SEC22C: variants seen among roughly 807,000 people sequenced by gnomAD.
SEC22C encodes vesicle-trafficking protein SEC22c.
Under a neutral mutation model 34.7 loss-of-function variants are expected in SEC22C, and 29 were observed. The observed-to-expected ratio is 0.84, with a 90% CI of 0.62 to 1.14. The LOEUF (loss-of-function observed/expected upper bound fraction) is 1.14, where lower values mean the gene tolerates loss of function less well. SEC22C is among the 50% of genes most tolerant of loss of function. SEC22C has a pLI of 0.00. For synonymous variants in SEC22C, 117 were observed against 132.8 expected, an observed-to-expected ratio of 0.88 and a Z score of 0.82; for missense variants, 337 against 369.0, an observed-to-expected ratio of 0.91 and a Z score of 0.71.
In SEC22C at chr3:42,565,924, G is replaced by C. The variant is rs866154688; in HGVS notation, c.183-2238C>G. ...GTCTATTTCCTCTGCGAAAATAATG[G>C]TAAATATTTAATTCAAAATTACAAA... On this transcript the variant is annotated intron_variant, in intron 2 of 6. Coordinates refer to ENST00000264454, the MANE Select transcript of SEC22C (RefSeq NM_032970.4). The C allele has an allele frequency of 1.1e-5, 5 of 454,296 alleles. No individual in the cohort carries two copies. The Middle Eastern group carries it at 1.6e-3, about 149-fold the overall frequency. The allele number at this position is 454,296 out of a possible 1,614,324, so 28.1% of individuals were successfully genotyped here. A position where few individuals can be genotyped will look rare whatever the true frequency, so the allele number is the denominator to read the frequency against.
Position 42,550,482 on chromosome 3 carries a change from T to C in SEC22C, c.*2766A>G. On this transcript the variant is annotated 3_prime_UTR_variant, in exon 7 of 7. Transcript: ENST00000264454. ...TTCCCTCGGATGAAATCACCAGAAC[T>C]TCTTTCCTATTTTCAGTCTCTTCCT... 1.0e-6 allele frequency: 1 copy of C among 985,464 alleles called. No individual in the cohort carries two copies. The highest frequency in any genetic ancestry group is 1.2e-6 in the Non-Finnish European group (1 of 829,938). 61.0% of individuals were successfully genotyped at this position (985,464 alleles called of 1,614,324 possible).
rs1553653057 is a variant in SEC22C at position 42,600,927 on chromosome 3, T to TGCCCTCGCCCCTGCCCTCGCCCCC, written c.-28+32_-28+33insGGGGGCGAGGGCAGGGGCGAGGGC. On this transcript the variant is annotated intron_variant, in intron 1 of 6. Transcript: ENST00000417572. ...TTCGTCTCAGCCCCGCCCTCGCCCC[T>TGCCCTCGCCCCTGCCCTCGCCCCC]GCCCTCGCCCCCGCCCTCGCCCCTG... 1.3e-5 allele frequency: 13 copies of TGCCCTCGCCCCTGCCCTCGCCCCC among 1,006,706 alleles called. No individual in the cohort carries two copies. In the East Asian group the frequency reaches 4.0e-4, roughly 31 times the overall value. The allele number at this position is 1,006,706 out of a possible 1,614,324, so 62.4% of individuals were successfully genotyped here. A position where few individuals can be genotyped will look rare whatever the true frequency, so the allele number is the denominator to read the frequency against.
At chr3:42,566,026 C>T in intron 2 of SEC22C, 1 of 388,866 alleles carries the variant, frequency 2.6e-6, no homozygotes, top group Admixed American at 3.4e-5. Flanking sequence ...TCTTAGACTT[C>T]TTTTTTCTGT....
intron 1 of SEC22C, among the ~76,000 whole-genome samples, chr3:42,596,158 A>C (rs1189542931): frequency 6.6e-6 from 1 of 151,818 alleles, no homozygotes; most frequent in Non-Finnish European, 1.5e-5. Context: ...AGTAGCTGGG[A>C]TTACAGGCAT....
chr3:42,583,611 G>A (rs565504409), upstream of SEC22C, among the ~76,000 whole-genome samples: 1 of 152,236 alleles, frequency 6.6e-6, no homozygotes, highest in South Asian at 2.1e-4. Flanking sequence ...CAGGTAGCTG[G>A]GGGAACATTA....
At chr3:42,580,258 A>G (rs760020619) in intron 1 of SEC22C, among the ~76,000 whole-genome samples, 3 of 152,232 alleles carry the variant, frequency 2.0e-5, no homozygotes, top group Non-Finnish European at 2.9e-5. Context: ...AAAGAAAGAG[A>G]AAAACAGAGA....
In SEC22C at chr3:42,551,023, C is replaced by T. The variant is rs1702229261; in HGVS notation, c.*2225G>A. 3.8e-6 allele frequency: 3 copies of T among 791,418 alleles called. No individual in the cohort carries two copies. The highest frequency in any genetic ancestry group is 5.8e-5 in the South Asian group (1 of 17,348). The allele number at this position is 791,418 out of a possible 1,614,324, so 49.0% of individuals were successfully genotyped here. On this transcript the variant is annotated 3_prime_UTR_variant, in exon 7 of 7. Coordinates refer to ENST00000264454, the MANE Select transcript of SEC22C (RefSeq NM_032970.4). ...AGCTGGGGCTACAGGCACAAGCCAC[C>T]GTGCCCAGCTAATTTTTGTATTTTT...
At chr3:42,596,126 A>T (rs142416633) in intron 1 of SEC22C, among the ~76,000 whole-genome samples, 2,126 of 151,520 alleles carry the variant, frequency 0.014, 25 homozygotes, top group South Asian at 0.049. Context: ...GGTTCAAGTG[A>T]TTCTCCTGCC....
At chr3:42,565,849 C>G (rs904762703) in intron 2 of SEC22C, 1 of 453,192 alleles carries the variant, frequency 2.2e-6, no homozygotes, top group Admixed American at 2.4e-5. Context: ...GGAACTAACA[C>G]ACTCCTTACT....
At chr3:42,578,652 G>T (rs1251128418) in intron 1 of SEC22C, among the ~76,000 whole-genome samples, 2 of 151,420 alleles carry the variant, frequency 1.3e-5, no homozygotes, top group Non-Finnish European at 2.9e-5. Context: ...CTAGGTGAAG[G>T]GTACATGAGA....
At chr3:42,568,379 C>A (rs895702689) in intron 2 of SEC22C, among the ~76,000 whole-genome samples, 2 of 152,060 alleles carry the variant, frequency 1.3e-5, no homozygotes, top group Non-Finnish European at 2.9e-5. Context: ...GGTGCAGTGG[C>A]TCACACTTGT....
At chr3:42,584,298 A>G (rs978316894), upstream of SEC22C, among the ~76,000 whole-genome samples, 36 of 152,202 alleles carry the variant, frequency 2.4e-4, no homozygotes, top group African/African-American at 8.7e-4. Flanking sequence ...TCTGTGGCCT[A>G]GGTTGGAGTT....
At chr3:42,596,517 T>C (rs188606585) in intron 1 of SEC22C, among the ~76,000 whole-genome samples, 108 of 152,322 alleles carry the variant, frequency 7.1e-4, no homozygotes, top group Non-Finnish European at 3.8e-4. Flanking sequence ...AAATTAAGCC[T>C]GAGTTTGTAA....
In SEC22C at chr3:42,550,508, T is replaced by C; in HGVS notation, c.*2740A>G. On this transcript the variant is annotated 3_prime_UTR_variant, in exon 7 of 7. Coordinates refer to ENST00000264454, the MANE Select transcript of SEC22C (RefSeq NM_032970.4). ...TCTTTCCTATTTTCAGTCTCTTCCT[T>C]CAGTGAGCTGAGGATTCTTTTAGCT... 3.0e-6 allele frequency: 3 copies of C among 985,474 alleles called. 1 individual carries two copies. The South Asian group carries it at 1.4e-4, about 46-fold the overall frequency. 61.0% of individuals were successfully genotyped at this position (985,474 alleles called of 1,614,324 possible).
chr3:42,550,385 G>T lies in SEC22C; in HGVS notation c.*2863C>A. The T allele has an allele frequency of 9.1e-6, 9 of 985,438 alleles. No homozygotes were observed. The highest frequency in any genetic ancestry group is 1.1e-5 in the Non-Finnish European group (9 of 829,940). The allele number at this position is 985,438 out of a possible 1,614,324, so 61.0% of individuals were successfully genotyped here. A position where few individuals can be genotyped will look rare whatever the true frequency, so the allele number is the denominator to read the frequency against. ...AACTCCTGGGATTTGGAACCAGTTTGCTGGTATCAAGGATCACACAAGAGG... is the reference window on the plus strand; with the variant it reads ...AACTCCTGGGATTTGGAACCAGTTTTCTGGTATCAAGGATCACACAAGAGG... On this transcript the variant is annotated 3_prime_UTR_variant, in exon 7 of 7. Transcript: ENST00000264454.
intron 1 of SEC22C, chr3:42,600,684 G>A (rs1705289441): frequency 4.6e-6 from 1 of 217,656 alleles, no homozygotes; most frequent in Non-Finnish European, 9.1e-6. Context: ...CCTGGGGGAG[G>A]AGACGGCGTT....
chr3:42,590,842 C>A, intron 1 of SEC22C: 1 of 1,558,132 alleles, frequency 6.4e-7, no homozygotes, highest in African/African-American at 1.4e-5. Context: ...AGAGCGTAGG[C>A]CCCACCTATC....
intron 1 of SEC22C, chr3:42,600,774 GC>G (rs1489049572): frequency 8.1e-5 from 30 of 369,880 alleles, no homozygotes; most frequent in Middle Eastern, 1.4e-3. Flanking sequence ...CTGGAGGCCA[GC>G]CAGGTGAAGA....
At chr3:42,556,110 G>T in intron 5 of SEC22C, 115 bp from the exon 6 acceptor site, 2 of 741,202 alleles carry the variant, frequency 2.7e-6, no homozygotes, top group Non-Finnish European at 4.5e-6. Flanking sequence ...CAAAATCCCT[G>T]GCTGGGTGAG....
Sources: gnomAD v4.1 joint callset for allele counts (sites outside exome capture counted in the v4.1 genomes callset) on GRCh38, gnomAD v4.1.1 for gene constraint, MANE v1.5 for transcripts, NCBI Gene and HGNC (gene_info 2026-07-23, HGNC 2026-07-21) for gene names.